The following MCF2L2 variants were observed in gnomAD, a reference collection of about 807,000 sequenced individuals.
MCF2L2 encodes the protein probable guanine nucleotide exchange factor MCF2L2.
In MCF2L2, 102 loss-of-function variants were observed where a neutral mutation model predicts 150.2. The ratio of observed to expected loss-of-function variants is 0.68; its 90% CI spans 0.58 to 0.80. The LOEUF (loss-of-function observed/expected upper bound fraction) is 0.80. Among genes scored for constraint, MCF2L2 ranks in the 30% least tolerant of loss-of-function variants. The pLI is 0.00. For missense variants in MCF2L2, 1,256 were observed against 1,372.8 expected (o/e 0.91, Z 1.34); for synonymous variants, 465 against 491.3 (o/e 0.95, Z 0.71).
chr3:183,192,779 T>C (rs1221350549), intron 27 of MCF2L2: 1 of 476,466 alleles, frequency 2.1e-6, no homozygotes, highest in African/African-American at 1.9e-5. Flanking sequence ...TACTTCTCAA[T>C]GTGAGACATT....
Position 183,197,273 on chromosome 3 carries a change from G to T in MCF2L2, c.2885-2018C>A, listed in dbSNP as rs1210631051. On this transcript the variant is annotated intron_variant, in intron 25 of 29. Coordinates refer to ENST00000328913, the MANE Select transcript of MCF2L2 (RefSeq NM_015078.4). The surrounding 1 kb of genome is among the most constrained non-coding windows in gnomAD (Gnocchi z 4.5). ...AAGATAGTGAGGGACTGATGTCAAGGTAGACAAATAGATCAATGGAAAAGA... is the reference window on the plus strand; with the variant it reads ...AAGATAGTGAGGGACTGATGTCAAGTTAGACAAATAGATCAATGGAAAAGA... 6.6e-6 allele frequency among the ~76,000 whole-genome samples: 1 copy of T among 152,136 alleles called. No homozygotes were observed. The highest frequency in any genetic ancestry group is 2.4e-5 in the African/African-American group (1 of 41,436).
At chr3:183,231,176 C>A (rs1338457208) in intron 15 of MCF2L2, 159 bp from the exon 16 acceptor site, 1 of 694,448 alleles carries the variant, frequency 1.4e-6, no homozygotes, top group South Asian at 1.5e-5. Context: ...ATTGAACACC[C>A]AAGGTCAGCA....
intron 19 of MCF2L2, 94 bp downstream of exon 19, chr3:183,224,004 G>C (rs779351984): frequency 3.3e-6 from 3 of 896,014 alleles, no homozygotes; most frequent in Non-Finnish European, 5.6e-6. Context: ...AAATCGCAAT[G>C]CCAAGTTCCT....
At position 183,260,620 on chromosome 3, in the gene MCF2L2, C is replaced by A. The variant is rs138739897; in HGVS notation, c.1862+16252G>T. Among the ~76,000 whole-genome samples, 205 of 152,206 alleles carry A rather than the reference C, an allele frequency of 1.3e-3. 2 individuals are homozygous for A. Among genetic ancestry groups the A allele is most frequent in the Middle Eastern group, 0.01 (3 of 294 alleles). ...ATGCCACCAGTCCCGTTAATAAAGA[C>A]TTAGGGTCTGTCTTTACCCATTTGT... is the stretch of plus-strand genomic sequence containing the variant. On this transcript the variant is annotated intron_variant, in intron 15 of 29. Coordinates refer to ENST00000328913, the MANE Select transcript of MCF2L2 (RefSeq NM_015078.4).
chr3:183,379,634 G>A (rs1264090672), intron 2 of MCF2L2, among the ~76,000 whole-genome samples: 3 of 152,162 alleles, frequency 2.0e-5, no homozygotes, highest in Non-Finnish European at 4.4e-5. Flanking sequence ...TTTGAAGAGA[G>A]TTACTGTGTA....
chr3:183,374,439 G>A (rs1003140474), intron 3 of MCF2L2: 1 of 152,384 alleles, frequency 6.6e-6, no homozygotes, highest in African/African-American at 2.4e-5. Context: ...GGAGGCTGAG[G>A]CGGGCGGATC....
At chr3:183,404,194 T>C (rs1168994813) in intron 1 of MCF2L2, among the ~76,000 whole-genome samples, 4 of 152,136 alleles carry the variant, frequency 2.6e-5, no homozygotes, top group Non-Finnish European at 5.9e-5. Context: ...AAACAGCTAA[T>C]AAAAACATTA....
At chr3:183,226,766 T>C (rs1723360762) in intron 18 of MCF2L2, 1 of 152,222 alleles carries the variant, frequency 6.6e-6, no homozygotes, top group Non-Finnish European at 1.5e-5. Context: ...TTCTAATCTC[T>C]GAAACTAGAT....
In MCF2L2 at chr3:183,293,261, G is replaced by A. The variant is rs182305766; in HGVS notation, c.1675+2039C>T. On this transcript the variant is annotated intron_variant, in intron 13 of 29. Coordinates refer to ENST00000328913, the MANE Select transcript of MCF2L2 (RefSeq NM_015078.4). ...ATTTCTAGAGGTAAGGAGGGAAGGA[G>A]AGACATTTCATAATTATAAAAGAGC... Among the ~76,000 whole-genome samples, 51 of 152,330 alleles carry A rather than the reference G, an allele frequency of 3.3e-4. No individual in the cohort carries two copies. In the East Asian group the frequency reaches 9.2e-3, roughly 28 times the overall value.
chr3:183,246,402 C>T (rs1041865091), intron 15 of MCF2L2, among the ~76,000 whole-genome samples: 2 of 152,176 alleles, frequency 1.3e-5, no homozygotes, highest in Non-Finnish European at 2.9e-5. Flanking sequence ...TATGAATTTT[C>T]CTATTCTAGG....
chr3:183,389,639 C>A (rs1007411506), intron 2 of MCF2L2, 57 bp downstream of exon 2: 1 of 1,429,714 alleles, frequency 7.0e-7, no homozygotes, highest in African/African-American at 1.4e-5. Context: ...GAGGCTGGAC[C>A]TTCCCATCAA....
At chr3:183,285,100 A>G (rs76299421) in intron 14 of MCF2L2, among the ~76,000 whole-genome samples, 3,018 of 152,320 alleles carry the variant, frequency 0.02, 59 homozygotes, top group East Asian at 0.052. Context: ...ATATTCAACA[A>G]TAGGATAATT....
intron 27 of MCF2L2, among the ~76,000 whole-genome samples, chr3:183,191,654 G>A (rs1489568654): frequency 6.6e-6 from 1 of 152,108 alleles, no homozygotes; most frequent in African/African-American, 2.4e-5. Flanking sequence ...TCTTCACAAT[G>A]TCATGGACAG....
chr3:183,354,803 T>C (rs1445106748), intron 3 of MCF2L2, among the ~76,000 whole-genome samples: 2 of 152,230 alleles, frequency 1.3e-5, no homozygotes, highest in Admixed American at 6.5e-5. Flanking sequence ...GTCGTGGTCC[T>C]TACATTTGGC....
intron 15 of MCF2L2, chr3:183,271,755 T>A (rs1315825738): frequency 6.0e-6 from 1 of 167,000 alleles, no homozygotes; most frequent in Non-Finnish European, 1.5e-5. Context: ...AACTGGTTTT[T>A]AAATATTCAA....
At chr3:183,272,113 T>G (rs1213939107) in intron 15 of MCF2L2, 2 of 994,828 alleles carry the variant, frequency 2.0e-6, no homozygotes, top group African/African-American at 3.5e-5. Context: ...AAAAAAGTGA[T>G]AGAAAAGTTG....
intron 3 of MCF2L2, among the ~76,000 whole-genome samples, chr3:183,370,335 C>G (rs1202219475): frequency 6.6e-6 from 1 of 152,234 alleles, no homozygotes; most frequent in Non-Finnish European, 1.5e-5. Flanking sequence ...TGAGCTGGGC[C>G]TCAGTAGTGT....
intron 2 of MCF2L2, among the ~76,000 whole-genome samples, chr3:183,384,331 C>T (rs570739508): frequency 2.0e-5 from 3 of 152,306 alleles, no homozygotes; most frequent in Non-Finnish European, 4.4e-5. Flanking sequence ...CTCCATCTTG[C>T]CTGGGGATTA....
chr3:183,418,826 C>T (rs549498093), intron 1 of MCF2L2, among the ~76,000 whole-genome samples: 13 of 152,300 alleles, frequency 8.5e-5, no homozygotes, highest in African/African-American at 2.9e-4. Flanking sequence ...CACAGGCTGG[C>T]GTTGAATGCC....
Sources: allele counts gnomAD v4.1 joint callset (sites outside exome capture counted in the v4.1 genomes callset), GRCh38; gene constraint gnomAD v4.1.1; non-coding constraint Gnocchi (gnomAD v3.1); transcripts MANE v1.5; gene names NCBI Gene and HGNC (gene_info 2026-07-23, HGNC 2026-07-21).